ST8SIA5: variants seen among roughly 807,000 people sequenced by gnomAD.
ST8SIA5 encodes ST8 alpha-N-acetyl-neuraminide alpha-2,8-sialyltransferase 5.
ST8SIA5 carries 24 observed loss-of-function variants against 40.2 expected under a neutral mutation model. That is an observed-to-expected ratio of 0.60 (90% CI 0.43 to 0.84). ST8SIA5 has a LOEUF of 0.84. Ranked by LOEUF, ST8SIA5 falls within the 40% of genes least tolerant of loss-of-function variation. The pLI, the probability that ST8SIA5 is intolerant of heterozygous loss-of-function variation, is 0.00. For synonymous variants in ST8SIA5, 198 were observed against 201.8 expected, an observed-to-expected ratio of 0.98 and a Z score of 0.16; for missense variants, 465 against 498.5, an observed-to-expected ratio of 0.93 and a Z score of 0.64.
Position 46,725,959 on chromosome 18 carries a change from TAAA to T in ST8SIA5, c.132-21298_132-21296del, listed in dbSNP as rs72220502. On this transcript the variant is annotated intron_variant, in intron 1 of 6. Coordinates refer to ENST00000315087, the MANE Select transcript of ST8SIA5 (RefSeq NM_013305.6). ...AACATGGTGAAACCCCATCTCTACT[TAAA>T]AAAAAAAAAAATATATATATATATA... Among the ~76,000 whole-genome samples, 104 of 17,162 alleles carry T rather than the reference TAAA, an allele frequency of 6.1e-3. 1 individual carries two copies. The highest frequency in any genetic ancestry group is 7.0e-3 in the Non-Finnish European group (72 of 10,222). The allele number at this position is 17,162 out of a possible 152,430, so 11.3% of individuals were successfully genotyped here.
At chr18:46,680,785 G>A (rs2039386503) in intron 6 of ST8SIA5, among the ~76,000 whole-genome samples, 1 of 152,212 alleles carries the variant, frequency 6.6e-6, no homozygotes, top group African/African-American at 2.4e-5. Flanking sequence ...GAATCCAAAA[G>A]GATGAGGGTG....
chr18:46,697,309 A>G (rs1264439233), intron 2 of ST8SIA5, among the ~76,000 whole-genome samples: 1 of 152,148 alleles, frequency 6.6e-6, no homozygotes, highest in East Asian at 1.9e-4. Flanking sequence ...AAGATAACCC[A>G]TCAGATAAAA....
At chr18:46,699,736 C>T (rs552330498) in intron 2 of ST8SIA5, among the ~76,000 whole-genome samples, 1 of 152,224 alleles carries the variant, frequency 6.6e-6, no homozygotes, top group Non-Finnish European at 1.5e-5. Context: ...CCCACTCCCT[C>T]TGTCCACTTA....
At chr18:46,697,535 A>C (rs1031051059) in intron 2 of ST8SIA5, among the ~76,000 whole-genome samples, 1 of 152,190 alleles carries the variant, frequency 6.6e-6, no homozygotes, top group Non-Finnish European at 1.5e-5. Context: ...TCCCATCTCT[A>C]CAAAAAAATG....
At chr18:46,705,041 G>A (rs567626713) in intron 1 of ST8SIA5, among the ~76,000 whole-genome samples, 7 of 152,354 alleles carry the variant, frequency 4.6e-5, no homozygotes, top group South Asian at 4.1e-4. Context: ...CCATTCTGGC[G>A]CAGCACTGGG....
chr18:46,732,835 G>C (rs1431195119), intron 1 of ST8SIA5, among the ~76,000 whole-genome samples: 1 of 151,676 alleles, frequency 6.6e-6, no homozygotes, highest in Non-Finnish European at 1.5e-5. Context: ...GTGCTGTGAA[G>C]AAACTGTGTG....
chr18:46,684,347 T>C (rs2039425836), intron 5 of ST8SIA5, among the ~76,000 whole-genome samples: 2 of 152,226 alleles, frequency 1.3e-5, no homozygotes, highest in Admixed American at 6.5e-5. Flanking sequence ...AAAAAATTGT[T>C]TTTTATCTGT....
intron 1 of ST8SIA5, among the ~76,000 whole-genome samples, chr18:46,750,230 A>G (rs2040183514): frequency 6.6e-6 from 1 of 152,218 alleles, no homozygotes; most frequent in Admixed American, 6.5e-5. Context: ...ATAGACTCAG[A>G]CCAGATTATT....
rs1410098457 is a variant in ST8SIA5, at chr18:46,676,319, C to A, written c.*3723G>T. The A allele has an allele frequency of 6.6e-6, 1 of 152,232 alleles. No homozygotes were observed. The highest frequency in any genetic ancestry group is 1.5e-5 in the Non-Finnish European group (1 of 68,066). 9.4% of individuals were successfully genotyped at this position (152,232 alleles called of 1,614,324 possible). A position where few individuals can be genotyped will look rare whatever the true frequency, so the allele number is the denominator to read the frequency against. On this transcript the variant is annotated 3_prime_UTR_variant, in exon 7 of 7. Transcript: ENST00000315087. ...CATTTAACGTCTGTATACACACACA[C>A]CAGACCACAAACTCCCGGAGGGCAG...
chr18:46,692,416 T>C (rs2039515352), intron 2 of ST8SIA5, among the ~76,000 whole-genome samples, 161 bp from the exon 3 acceptor site: 1 of 151,908 alleles, frequency 6.6e-6, no homozygotes, highest in African/African-American at 2.4e-5. Flanking sequence ...TTTCTTTTTT[T>C]TTTTTAAGAC....
rs1411839338 is a variant in ST8SIA5, at chr18:46,673,472, A to G, written c.*6570T>C. 2 of 152,208 alleles carry G rather than the reference A, an allele frequency of 1.3e-5. No homozygotes were observed. The highest frequency in any genetic ancestry group is 3.9e-4 in the East Asian group (2 of 5,094). The allele number at this position is 152,208 out of a possible 1,614,324, so 9.4% of individuals were successfully genotyped here. A position where few individuals can be genotyped will look rare whatever the true frequency, so the allele number is the denominator to read the frequency against. On this transcript the variant is annotated 3_prime_UTR_variant, in exon 7 of 7. Coordinates refer to ENST00000315087, the MANE Select transcript of ST8SIA5 (RefSeq NM_013305.6). ...ATACATGGCCACTCAACTGGTGGCA[A>G]CTTCTGAACCACAAGCAGTTGTATG...
At chr18:46,730,149 C>A in intron 1 of ST8SIA5, 1 of 985,032 alleles carries the variant, frequency 1.0e-6, no homozygotes, top group Non-Finnish European at 1.2e-6. Context: ...TTAACACCAG[C>A]CCCAGAAGTG....
Position 46,698,312 on chromosome 18 carries a change from CA to C in ST8SIA5, c.225-6058del, listed in dbSNP as rs530257308. On this transcript the variant is annotated intron_variant, in intron 2 of 6. Transcript: ENST00000315087. ...CCCAACAACCCACCACACCAACAAT[CA>C]AAACAATCCAACAACCCAACACACC... 1.1e-4 allele frequency among the ~76,000 whole-genome samples: 17 copies of C among 151,814 alleles called. No homozygotes were observed. The South Asian group carries it at 2.9e-3, about 26-fold the overall frequency.
intron 1 of ST8SIA5, among the ~76,000 whole-genome samples, chr18:46,740,594 C>A (rs962246406): frequency 7.9e-5 from 12 of 151,920 alleles, no homozygotes; most frequent in Non-Finnish European, 1.6e-4. Context: ...TTAAAAAAAT[C>A]AAAAAGATAA....
chr18:46,701,827 T>G (rs1319432512), intron 2 of ST8SIA5, among the ~76,000 whole-genome samples: 1 of 152,168 alleles, frequency 6.6e-6, no homozygotes, highest in African/African-American at 2.4e-5. Context: ...CAAGGAACCA[T>G]GAAGAAACTA....
intron 1 of ST8SIA5, among the ~76,000 whole-genome samples, chr18:46,716,808 G>C (rs1042008364): frequency 6.6e-6 from 1 of 152,256 alleles, no homozygotes; most frequent in Non-Finnish European, 1.5e-5. Flanking sequence ...AAGTTGCCCT[G>C]GGGGCAGACG....
chr18:46,704,513 C>T (rs879366324), intron 2 of ST8SIA5, 59 bp downstream of exon 2: 56 of 1,508,452 alleles, frequency 3.7e-5, no homozygotes, highest in Non-Finnish European at 4.4e-5. Context: ...CGCACTCACC[C>T]CCAACCCCTG....
At chr18:46,723,934 A>AT (rs1478953161) in intron 1 of ST8SIA5, among the ~76,000 whole-genome samples, 4 of 152,194 alleles carry the variant, frequency 2.6e-5, no homozygotes, top group African/African-American at 9.7e-5. Context: ...CTAAAAAAAA[A>AT]AAAGAAAAAA....
chr18:46,726,814 G>A (rs1345370403), intron 1 of ST8SIA5, among the ~76,000 whole-genome samples: 1 of 152,114 alleles, frequency 6.6e-6, no homozygotes, highest in East Asian at 1.9e-4. Context: ...AGCTACTCAG[G>A]AGGCTGAGGC....
Sources: gnomAD v4.1 joint callset for allele counts (sites outside exome capture counted in the v4.1 genomes callset) on GRCh38, gnomAD v4.1.1 for gene constraint, MANE v1.5 for transcripts, NCBI Gene and HGNC (gene_info 2026-07-23, HGNC 2026-07-21) for gene names.